The following CHSY1 variants were observed in gnomAD, a reference collection of about 807,000 sequenced individuals.
The protein encoded by CHSY1 is N-acetylgalactosaminyl-proteoglycan 3-beta-glucuronosyltransferase 1.
Under a neutral mutation model 59.8 loss-of-function variants are expected in CHSY1, and 13 were observed. The ratio of observed to expected loss-of-function variants is 0.22; its 90% confidence interval spans 0.14 to 0.35. The LOEUF (loss-of-function observed/expected upper bound fraction) is 0.35, where lower values mean the gene tolerates loss of function less well. Ranked by LOEUF, CHSY1 falls within the 10% of genes least tolerant of loss-of-function variation. The pLI, the probability that CHSY1 is intolerant of heterozygous loss-of-function variation, is 1.00. For missense variants in CHSY1, 947 were observed against 1,030.6 expected, an observed-to-expected ratio of 0.92 and a Z score of 1.11; for synonymous variants, 459 against 401.2, an observed-to-expected ratio of 1.14 and a Z score of -1.72.
In CHSY1 at chr15:101,200,735, A is replaced by G. The variant is rs999651756; in HGVS notation, c.817-21755T>C. 4.6e-5 allele frequency among the ~76,000 whole-genome samples: 7 copies of G among 152,184 alleles called. No individual in the cohort carries two copies. The South Asian group carries it at 1.5e-3, about 32-fold the overall frequency. On this transcript the variant is annotated intron_variant, in intron 2 of 2. Transcript: ENST00000254190. Reference sequence around the variant, plus strand: ...TACCTGGCTGTTGCAGAAATCTCTTAGGTCTCCTCTGCCCCAGCCTCACCT... The same window carrying G: ...TACCTGGCTGTTGCAGAAATCTCTTGGGTCTCCTCTGCCCCAGCCTCACCT...
Position 101,178,282 on chromosome 15 carries a change from G to A in CHSY1, c.1515C>T (p.Ser505=). The change falls in exon 3 of 3, where the codon TCC becomes TCT. Residue 505 remains serine (S), a synonymous_variant. Coordinates refer to ENST00000254190, the MANE Select transcript of CHSY1 (RefSeq NM_014918.5). ...KRINQESGSL[S]FLSNSLKKLV... ...GCTTCTTCAGGGAGTTTGAGAGAAA[G>A]GACAAGGATCCAGATTCCTGATTGA... is the stretch of plus-strand genomic sequence containing the variant. 1 of 1,612,130 alleles carries A rather than the reference G, an allele frequency of 6.2e-7. No homozygotes were observed.
chr15:101,203,739 C>T (rs771681461), intron 2 of CHSY1, among the ~76,000 whole-genome samples: 1 of 152,158 alleles, frequency 6.6e-6, no homozygotes, highest in Non-Finnish European at 1.5e-5. Flanking sequence ...GGACACATCA[C>T]GTAGCCTGGG....
chr15:101,218,811 C>T (rs772375316), intron 2 of CHSY1, among the ~76,000 whole-genome samples: 1 of 152,178 alleles, frequency 6.6e-6, no homozygotes, highest in Non-Finnish European at 1.5e-5. Flanking sequence ...CTGTTAAACA[C>T]ATGAGTATAC....
chr15:101,199,399 A>G (rs933541613), intron 2 of CHSY1, among the ~76,000 whole-genome samples: 2 of 152,202 alleles, frequency 1.3e-5, no homozygotes, highest in Admixed American at 1.3e-4. Flanking sequence ...GCTACTCAGG[A>G]GACTGAGGCA....
At chr15:101,180,945 G>A (rs2038269959) in intron 2 of CHSY1, among the ~76,000 whole-genome samples, 1 of 152,234 alleles carries the variant, frequency 6.6e-6, no homozygotes. Flanking sequence ...CAAATGTCAT[G>A]TGGGGACTCA....
chr15:101,246,575 A>C (rs1038240718), intron 1 of CHSY1, among the ~76,000 whole-genome samples: 2 of 152,216 alleles, frequency 1.3e-5, no homozygotes, highest in Non-Finnish European at 2.9e-5. Context: ...ACAAAACATG[A>C]AGTCCAGAAA....
At chr15:101,188,138 T>A (rs995468254) in intron 2 of CHSY1, 32 of 985,470 alleles carry the variant, frequency 3.2e-5, no homozygotes, top group Non-Finnish European at 3.7e-5. Context: ...AGACCATCAC[T>A]GCTACAGAGC....
intron 1 of CHSY1, among the ~76,000 whole-genome samples, chr15:101,243,123 C>T (rs757520562): frequency 7.2e-5 from 11 of 152,136 alleles, no homozygotes; most frequent in East Asian, 1.9e-4. Context: ...CAAGCCCAGA[C>T]GGCATTCCAA....
intron 1 of CHSY1, among the ~76,000 whole-genome samples, chr15:101,246,735 G>T (rs2039056771): frequency 6.6e-6 from 1 of 152,166 alleles, no homozygotes; most frequent in Non-Finnish European, 1.5e-5. Flanking sequence ...GAATTAGGAA[G>T]GAAACGTTAC....
chr15:101,248,989 G>T (rs1304927409), intron 1 of CHSY1, among the ~76,000 whole-genome samples: 1 of 139,792 alleles, frequency 7.2e-6, no homozygotes, highest in East Asian at 2.1e-4. Flanking sequence ...ATTTTCAGTA[G>T]AGATGGGGTT....
chr15:101,251,069 G>T, intron 1 of CHSY1, 68 bp downstream of exon 1: 1 of 1,441,110 alleles, frequency 6.9e-7, no homozygotes, highest in Non-Finnish European at 9.4e-7. Context: ...AGAGCCAGGA[G>T]AGCACCCGGG....
chr15:101,179,063 G>C (rs1274474781), intron 2 of CHSY1, 83 bp from the exon 3 acceptor site: 1 of 1,378,294 alleles, frequency 7.3e-7, no homozygotes, highest in Non-Finnish European at 1.0e-6. Flanking sequence ...GCAAATATTA[G>C]AAATGTTTCT....
At chr15:101,226,101 A>C (rs2038839331) in intron 2 of CHSY1, among the ~76,000 whole-genome samples, 1 of 152,222 alleles carries the variant, frequency 6.6e-6, no homozygotes, top group Non-Finnish European at 1.5e-5. Context: ...GTTCTGTCAA[A>C]ATAGTCTTCC....
intron 1 of CHSY1, among the ~76,000 whole-genome samples, chr15:101,241,634 C>G (rs545238992): frequency 1.6e-4 from 25 of 151,936 alleles, no homozygotes; most frequent in African/African-American, 5.8e-4. Context: ...AATAGTTATT[C>G]TACTAGTTAC....
At chr15:101,249,889 G>T (rs1422699501) in intron 1 of CHSY1, among the ~76,000 whole-genome samples, 1 of 152,206 alleles carries the variant, frequency 6.6e-6, no homozygotes, top group African/African-American at 2.4e-5. Context: ...GCGGAATGTG[G>T]GTTCTGGACT....
intron 2 of CHSY1, among the ~76,000 whole-genome samples, chr15:101,233,139 C>T (rs1431386341): frequency 6.6e-6 from 1 of 152,184 alleles, no homozygotes; most frequent in African/African-American, 2.4e-5. Context: ...CCTTCGCAGG[C>T]CATCAGAAAC....
At chr15:101,243,158 G>A (rs564921636) in intron 1 of CHSY1, among the ~76,000 whole-genome samples, 3 of 152,234 alleles carry the variant, frequency 2.0e-5, no homozygotes, top group East Asian at 1.9e-4. Flanking sequence ...CGAGGAGCCC[G>A]CCCTTTGAGC....
chr15:101,197,864 T>C (rs935805872), intron 2 of CHSY1, among the ~76,000 whole-genome samples: 4 of 152,168 alleles, frequency 2.6e-5, no homozygotes, highest in Admixed American at 1.3e-4. Flanking sequence ...GACCTTGGTA[T>C]ACGCTAAGAA....
intron 2 of CHSY1, among the ~76,000 whole-genome samples, chr15:101,208,667 C>G (rs1334823792): frequency 6.9e-6 from 1 of 145,470 alleles, no homozygotes. Context: ...GAACCGAGAT[C>G]GTGCCACTGC....
Sources: gnomAD v4.1 joint callset for allele counts (sites outside exome capture counted in the v4.1 genomes callset) on GRCh38, gnomAD v4.1.1 for gene constraint, MANE v1.5 for transcripts, NCBI Gene and HGNC (gene_info 2026-07-23, HGNC 2026-07-21) for gene names.